Variants in SLMAP observed in about 807,000 individuals in gnomAD.
The protein encoded by SLMAP is sarcolemma associated protein.
SLMAP carries 44 observed loss-of-function variants against 128.8 expected under a neutral mutation model. The observed-to-expected ratio is 0.34, with a 90% CI of 0.27 to 0.44. The LOEUF (loss-of-function observed/expected upper bound fraction) is 0.44, where lower values mean the gene tolerates loss of function less well. SLMAP is among the 20% of genes least tolerant of loss of function. The probability of loss-of-function intolerance (pLI) is 1.00; values close to 1 mark genes in which losing one functional copy is unlikely to be tolerated. For missense variants in SLMAP, 787 were observed against 985.3 expected (o/e 0.80, Z 2.69); for synonymous variants, 327 against 348.8 (o/e 0.94, Z 0.70).
chr3:57,890,068 C>G lies in SLMAP; in HGVS notation c.1328C>G (p.Thr443Ser), dbSNP rs763738449. ...QKKLIVEGHLTKAVEETKLSK... is the reference protein window; with the variant it reads ...QKKLIVEGHLSKAVEETKLSK... Reference sequence around the variant, plus strand: ...AAGCTGATCGTCGAAGGGCATCTAACCAAAGCGGTAGAAGAAACAAAGCTT... The same window carrying G: ...AAGCTGATCGTCGAAGGGCATCTAAGCAAAGCGGTAGAAGAAACAAAGCTT... Residue 443 changes from threonine (T) to serine (S), a missense_variant, in exon 15 of 25, where the codon ACC becomes AGC. This residue lies in a region of SLMAP where 715 missense variants were observed against 843.6 expected (regional missense o/e 0.85). Transcript: ENST00000671191. The G allele has an allele frequency of 1.2e-6, 2 of 1,613,762 alleles. No homozygotes were observed. The highest frequency in any genetic ancestry group is 3.3e-5 in the Admixed American group (2 of 59,990).
At chr3:57,766,894 T>G (rs909633281) in intron 2 of SLMAP, among the ~76,000 whole-genome samples, 3 of 151,638 alleles carry the variant, frequency 2.0e-5, no homozygotes, top group Admixed American at 1.3e-4. Flanking sequence ...TGTGTATAAT[T>G]TCTTTATTTC....
chr3:57,801,299 C>T (rs979173073), intron 2 of SLMAP: 1 of 152,720 alleles, frequency 6.5e-6, no homozygotes, highest in African/African-American at 2.4e-5. Context: ...CAGTCTGCGT[C>T]ATCCTGTAAT....
intron 2 of SLMAP, among the ~76,000 whole-genome samples, chr3:57,794,397 A>C (rs1406042431): frequency 6.6e-6 from 1 of 152,190 alleles, no homozygotes; most frequent in Admixed American, 6.5e-5. Context: ...ATTAACACTT[A>C]TAAGCACTTC....
At position 57,927,383 on chromosome 3, in the gene SLMAP, C is replaced by G. The variant is rs986787316; in HGVS notation, c.*94C>G. 6 of 1,572,710 alleles carry G rather than the reference C, an allele frequency of 3.8e-6. No individual in the cohort carries two copies. The highest frequency in any genetic ancestry group is 5.2e-6 in the Non-Finnish European group (6 of 1,148,676). The stretch of plus-strand genomic sequence containing the variant: ...CGTGCCAGGTCTGGCCAGAGCTTCT[C>G]CATGAGAGCGTTCCTTGAGTCCGTA... On this transcript the variant is annotated 3_prime_UTR_variant, in exon 25 of 25. Coordinates refer to ENST00000671191, the MANE Select transcript of SLMAP (RefSeq NM_001377540.1).
In SLMAP at chr3:57,912,473, C is replaced by G. The variant is rs1217616882; in HGVS notation, c.1792C>G (p.Arg598Gly). The G allele has an allele frequency of 1.2e-6, 2 of 1,614,046 alleles. No homozygotes were observed. Among genetic ancestry groups the G allele is most frequent in the Non-Finnish European group, 1.7e-6 (2 of 1,179,966 alleles). The change falls in exon 20 of 25, where the codon CGA (arginine) becomes GGA (glycine). Residue 598 changes from arginine (R) to glycine (G), a missense_variant. Around this residue, in one of 2 missense-constraint regions of SLMAP, gnomAD observed 715 missense variants for 843.6 expected, o/e 0.85. Coordinates refer to ENST00000671191, the MANE Select transcript of SLMAP (RefSeq NM_001377540.1). ...TACTAGAGATGAATTGCTTAGTGCCCGAGATGAAATTTTGCTCCTTCATCA... is the reference window on the plus strand; with the variant it reads ...TACTAGAGATGAATTGCTTAGTGCCGGAGATGAAATTTTGCTCCTTCATCA... ...TSTRDELLSA[R>G]DEILLLHQAA...
intron 17 of SLMAP, among the ~76,000 whole-genome samples, chr3:57,906,300 C>CTTTTTTTTTTT (rs112949836): frequency 2.0e-4 from 14 of 71,246 alleles, no homozygotes; most frequent in Non-Finnish European, 2.5e-4. Context: ...AAATTTTTTT[C>CTTTTTTTTTTT]TTTTTTTTTC....
chr3:57,820,224 C>T (rs1257204364), intron 2 of SLMAP, among the ~76,000 whole-genome samples: 3 of 152,030 alleles, frequency 2.0e-5, no homozygotes, highest in African/African-American at 7.3e-5. Flanking sequence ...TGCTAAAATA[C>T]ATGACATTTG....
intron 2 of SLMAP, among the ~76,000 whole-genome samples, chr3:57,803,660 T>G (rs1156691178): frequency 6.6e-6 from 1 of 152,238 alleles, no homozygotes; most frequent in Non-Finnish European, 1.5e-5. Flanking sequence ...TGGTCATGCC[T>G]TCCTCTCCAC....
intron 5 of SLMAP, among the ~76,000 whole-genome samples, 176 bp downstream of exon 5, chr3:57,847,409 A>G (rs1277793671): frequency 6.6e-6 from 1 of 152,206 alleles, no homozygotes; most frequent in Non-Finnish European, 1.5e-5. Flanking sequence ...AGAATCTAAG[A>G]TGGATGTTTC....
intron 3 of SLMAP, among the ~76,000 whole-genome samples, chr3:57,834,510 G>A (rs538889914): frequency 2.0e-5 from 3 of 152,132 alleles, no homozygotes; most frequent in African/African-American, 7.2e-5. Context: ...GTAAATTGAT[G>A]TTTTCCTAGC....
intron 14 of SLMAP, among the ~76,000 whole-genome samples, chr3:57,883,977 G>C (rs536192733): frequency 6.8e-6 from 1 of 146,280 alleles, no homozygotes; most frequent in South Asian, 2.1e-4. Context: ...TGCTGCCTAG[G>C]CTGTAGTACA....
At chr3:57,784,200 A>G (rs1340652102) in intron 2 of SLMAP, among the ~76,000 whole-genome samples, 1 of 152,114 alleles carries the variant, frequency 6.6e-6, no homozygotes, top group Non-Finnish European at 1.5e-5. Flanking sequence ...ACAGAACTAT[A>G]GGGCCACCAG....
At chr3:57,870,194 A>G (rs960094201) in intron 13 of SLMAP, among the ~76,000 whole-genome samples, 5 of 152,126 alleles carry the variant, frequency 3.3e-5, no homozygotes, top group Admixed American at 2.0e-4. Context: ...ATGAGTTTAT[A>G]TATATATAAC....
intron 14 of SLMAP, among the ~76,000 whole-genome samples, chr3:57,881,870 G>T (rs1402109036): frequency 6.6e-6 from 1 of 152,152 alleles, no homozygotes; most frequent in African/African-American, 2.4e-5. Context: ...AGTGATTAAT[G>T]CCTGTAGTCT....
chr3:57,809,030 A>G (rs1481098737), intron 2 of SLMAP, among the ~76,000 whole-genome samples: 2 of 152,006 alleles, frequency 1.3e-5, no homozygotes, highest in South Asian at 2.1e-4. Flanking sequence ...TGTCATGACT[A>G]TGGACCCTGG....
Position 57,821,335 on chromosome 3 carries a change from T to G in SLMAP, c.199-10048T>G, listed in dbSNP as rs1560111577. ...CTAGGTGGAAAAAATCTTGGCAAAT[T>G]AACATCATTTGTAAGACGTTCGGGT... On this transcript the variant is annotated intron_variant, in intron 2 of 24. Coordinates refer to ENST00000671191, the MANE Select transcript of SLMAP (RefSeq NM_001377540.1). Among the ~76,000 whole-genome samples, 3 of 152,288 alleles carry G rather than the reference T, an allele frequency of 2.0e-5. No homozygotes were observed. The East Asian group carries it at 5.8e-4, about 29-fold the overall frequency.
intron 2 of SLMAP, among the ~76,000 whole-genome samples, chr3:57,763,794 A>C (rs1202655307): frequency 1.3e-5 from 2 of 152,188 alleles, no homozygotes; most frequent in Non-Finnish European, 2.9e-5. Context: ...TTGACTTTAA[A>C]ATTAGGGGTG....
rs1245272928 is a variant in SLMAP, at chr3:57,757,206, C to T, written c.-446C>T. ...CTTTCCTGGCCGCGCCGAACCGACCCTTCATTCATGCTGCAGTGCTGCAAC... is the reference window on the plus strand; with the variant it reads ...CTTTCCTGGCCGCGCCGAACCGACCTTTCATTCATGCTGCAGTGCTGCAAC... On this transcript the variant is annotated 5_prime_UTR_variant, in exon 2 of 25. Coordinates refer to ENST00000671191, the MANE Select transcript of SLMAP (RefSeq NM_001377540.1). 2.0e-5 allele frequency: 4 copies of T among 196,646 alleles called. No homozygotes were observed. Among genetic ancestry groups the T allele is most frequent in the Admixed American group, 5.4e-5 (1 of 18,386 alleles). 12.2% of individuals were successfully genotyped at this position (196,646 alleles called of 1,614,324 possible).
chr3:57,913,701 A>G (rs2096748102), intron 21 of SLMAP, among the ~76,000 whole-genome samples: 1 of 152,214 alleles, frequency 6.6e-6, no homozygotes, highest in Non-Finnish European at 1.5e-5. Flanking sequence ...TCACGCCTGT[A>G]ATGCCATCAC....
Sources: gnomAD v4.1 joint callset for allele counts (sites outside exome capture counted in the v4.1 genomes callset) on GRCh38, gnomAD v4.1.1 for gene constraint, gnomAD v4.1.1 regional missense constraint, MANE v1.5 for transcripts, NCBI Gene and HGNC (gene_info 2026-07-23, HGNC 2026-07-21) for gene names.